Variants in SLC12A6 observed in about 807,000 individuals in gnomAD.
SLC12A6 encodes the protein K-Cl cotransporter 3.
Under a neutral mutation model 135.3 loss-of-function variants are expected in SLC12A6, and 66 were observed. The ratio of observed to expected loss-of-function variants is 0.49; its 90% CI spans 0.40 to 0.60. SLC12A6 has a LOEUF of 0.60. Among genes scored for constraint, SLC12A6 ranks in the 20% least tolerant of loss-of-function variants. The pLI is 0.00. For synonymous variants in SLC12A6, 513 were observed against 508.8 expected, an observed-to-expected ratio of 1.01 and a Z score of -0.11; for missense variants, 1,058 against 1,452.3, an observed-to-expected ratio of 0.73 and a Z score of 4.41.
intron 2 of SLC12A6, among the ~76,000 whole-genome samples, chr15:34,318,086 T>C (rs1888776290): frequency 6.6e-6 from 1 of 152,224 alleles, no homozygotes; most frequent in African/African-American, 2.4e-5. Context: ...GGTAAAATAC[T>C]GAATAACCTG....
chr15:34,241,432 G>A (rs1262867091), intron 17 of SLC12A6, 95 bp from the exon 18 acceptor site: 3 of 703,368 alleles, frequency 4.3e-6, no homozygotes, highest in African/African-American at 3.6e-5. Context: ...AATCACACAT[G>A]TGCAAGGTAG....
intron 2 of SLC12A6, among the ~76,000 whole-genome samples, chr15:34,321,495 T>A (rs1595570277): frequency 6.6e-6 from 1 of 152,098 alleles, no homozygotes; most frequent in Admixed American, 6.5e-5. Context: ...AACACCAAAT[T>A]TGGCAAGACT....
At chr15:34,257,551 T>G (rs1406888121) in intron 6 of SLC12A6, 91 bp downstream of exon 6, 21 of 940,558 alleles carry the variant, frequency 2.2e-5, no homozygotes, top group Admixed American at 1.0e-4. Context: ...TCCCTAAGTA[T>G]TCTTTGTTTT....
chr15:34,337,139 C>T (rs1395220461), intron 1 of SLC12A6, 193 bp downstream of exon 1: 2 of 270,018 alleles, frequency 7.4e-6, no homozygotes, highest in East Asian at 2.0e-4. Context: ...GCAGGCAAAC[C>T]TTTATCAGGC....
intron 2 of SLC12A6, among the ~76,000 whole-genome samples, chr15:34,319,130 CTT>C (rs926815901): frequency 1.4e-3 from 193 of 135,348 alleles, no homozygotes; most frequent in African/African-American, 4.5e-3. Flanking sequence ...GAACAGTTAA[CTT>C]TTTTTTTTTT....
chr15:34,307,196 A>G (rs143275650), intron 2 of SLC12A6, among the ~76,000 whole-genome samples: 1 of 152,352 alleles, frequency 6.6e-6, no homozygotes, highest in African/African-American at 2.4e-5. Context: ...ACCGATGGGG[A>G]AAAACATTTG....
rs560608306 is a variant in SLC12A6 at position 34,235,110 on chromosome 15, G to T, written c.3361+71C>A. ...TGGGGCATAGACAATGACTTTTATTGTTACCTAGTTATCTCAGAAAGAGGT... is the reference window on the plus strand; with the variant it reads ...TGGGGCATAGACAATGACTTTTATTTTTACCTAGTTATCTCAGAAAGAGGT... On this transcript the variant is annotated intron_variant, in intron 25 of 25. Coordinates refer to ENST00000354181, the MANE Select transcript of SLC12A6 (RefSeq NM_001365088.1). 70 of 1,361,374 alleles carry T rather than the reference G, an allele frequency of 5.1e-5. No individual in the cohort carries two copies. In the Admixed American group the frequency reaches 1.1e-3, roughly 22 times the overall value. The allele number at this position is 1,361,374 out of a possible 1,614,324, so 84.3% of individuals were successfully genotyped here. A position where few individuals can be genotyped will look rare whatever the true frequency, so the allele number is the denominator to read the frequency against.
In SLC12A6 at chr15:34,334,871, C is replaced by T. The variant is rs575001569; in HGVS notation, c.271+1539G>A. The stretch of plus-strand genomic sequence containing the variant: ...AGAATGCTTAAGGGTAACGTAAGAA[C>T]CGCAGACTGGACAAGGAACCTGTTC... On this transcript the variant is annotated intron_variant, in intron 2 of 25. Coordinates refer to ENST00000354181, the MANE Select transcript of SLC12A6 (RefSeq NM_001365088.1). Among the ~76,000 whole-genome samples, 5 of 152,260 alleles carry T rather than the reference C, an allele frequency of 3.3e-5. No homozygotes were observed. In the South Asian group the frequency reaches 1.0e-3, roughly 32 times the overall value.
chr15:34,331,424 A>G (rs961934582), intron 2 of SLC12A6, among the ~76,000 whole-genome samples: 5 of 152,232 alleles, frequency 3.3e-5, no homozygotes, highest in Non-Finnish European at 5.9e-5. Context: ...TACAGGCGTG[A>G]GCCACCGCGC....
intron 2 of SLC12A6, among the ~76,000 whole-genome samples, chr15:34,280,146 C>T (rs1168304996): frequency 6.6e-6 from 1 of 152,110 alleles, no homozygotes; most frequent in Non-Finnish European, 1.5e-5. Context: ...AACAAAATTT[C>T]CTTTGAGAAT....
chr15:34,296,091 C>G (rs534254540), intron 2 of SLC12A6, among the ~76,000 whole-genome samples: 1 of 152,286 alleles, frequency 6.6e-6, no homozygotes, highest in Non-Finnish European at 1.5e-5. Flanking sequence ...TTTCCCAGTA[C>G]AATTTTATTA....
chr15:34,308,367 G>A (rs1050875839), intron 2 of SLC12A6, among the ~76,000 whole-genome samples: 1 of 152,148 alleles, frequency 6.6e-6, no homozygotes, highest in Non-Finnish European at 1.5e-5. Flanking sequence ...GCTCATGCCT[G>A]TAATCCCAGC....
chr15:34,248,305 G>T (rs1892140522), intron 13 of SLC12A6, among the ~76,000 whole-genome samples: 1 of 152,134 alleles, frequency 6.6e-6, no homozygotes, highest in East Asian at 1.9e-4. Flanking sequence ...TAACACTACT[G>T]TGAAAATTCT....
At chr15:34,263,787 A>G (rs530272517) in intron 3 of SLC12A6, among the ~76,000 whole-genome samples, 1 of 152,204 alleles carries the variant, frequency 6.6e-6, no homozygotes, top group Non-Finnish European at 1.5e-5. Context: ...AGAAACAGTC[A>G]ATAAACTATC....
At chr15:34,248,866 T>C (rs1407746729) in intron 13 of SLC12A6, among the ~76,000 whole-genome samples, 2 of 152,124 alleles carry the variant, frequency 1.3e-5, no homozygotes, top group Non-Finnish European at 2.9e-5. Context: ...AGAGGATGAA[T>C]ATGAGTTGGC....
At chr15:34,234,697 T>C (rs1443320823) in intron 25 of SLC12A6, among the ~76,000 whole-genome samples, 1 of 152,190 alleles carries the variant, frequency 6.6e-6, no homozygotes, top group Non-Finnish European at 1.5e-5. Context: ...TTAATGGTAC[T>C]GGTGGGAATA....
At chr15:34,295,272 T>C (rs1895806145) in intron 2 of SLC12A6, among the ~76,000 whole-genome samples, 1 of 152,152 alleles carries the variant, frequency 6.6e-6, no homozygotes. Context: ...AGTGAAAAGA[T>C]AACACAGAAC....
At chr15:34,303,492 G>C (rs772720662) in intron 2 of SLC12A6, among the ~76,000 whole-genome samples, 2 of 152,052 alleles carry the variant, frequency 1.3e-5, no homozygotes, top group Non-Finnish European at 2.9e-5. Flanking sequence ...ATTCATGCAA[G>C]CTGCTGTGTA....
chr15:34,245,667 A>G, intron 14 of SLC12A6, 26 bp downstream of exon 14: 1 of 1,582,344 alleles, frequency 6.3e-7, no homozygotes, highest in South Asian at 1.1e-5. Context: ...GAAAAAAAGA[A>G]GAGGGCATAA....
Sources: gnomAD v4.1 joint callset for allele counts (sites outside exome capture counted in the v4.1 genomes callset) on GRCh38, gnomAD v4.1.1 for gene constraint, MANE v1.5 for transcripts, NCBI Gene and HGNC (gene_info 2026-07-23, HGNC 2026-07-21) for gene names.